Variants in IGSF5 observed in about 807,000 individuals in gnomAD.
IGSF5 encodes the protein immunoglobulin superfamily 5 like.
A neutral mutation model predicts 39.4 loss-of-function variants in IGSF5; 41 were observed. The observed-to-expected ratio is 1.04, with a 90% CI of 0.81 to 1.35. The LOEUF (loss-of-function observed/expected upper bound fraction) is 1.35, where lower values mean the gene tolerates loss of function less well. Ranked by LOEUF, IGSF5 falls within the 40% of genes most tolerant of loss-of-function variation. IGSF5 has a pLI of 0.00. For missense variants in IGSF5, 487 were observed against 494.6 expected (o/e 0.98, Z 0.15); for synonymous variants, 183 against 175.3 (o/e 1.04, Z -0.34).
intron 3 of IGSF5, among the ~76,000 whole-genome samples, chr21:39,769,211 C>G (rs1402375364): frequency 6.6e-6 from 1 of 152,198 alleles, no homozygotes; most frequent in Admixed American, 6.5e-5. Context: ...AATGGTGGCT[C>G]ATGCCTGTAA....
chr21:39,747,312 G>A (rs769046688), intron 2 of IGSF5, among the ~76,000 whole-genome samples: 1 of 152,150 alleles, frequency 6.6e-6, no homozygotes, highest in Non-Finnish European at 1.5e-5. Flanking sequence ...GAACAGTATG[G>A]GGAAACTGCC....
intron 2 of IGSF5, among the ~76,000 whole-genome samples, chr21:39,746,933 G>A (rs2079978298): frequency 6.6e-6 from 1 of 152,196 alleles, no homozygotes; most frequent in Non-Finnish European, 1.5e-5. Context: ...GCTGGTGAGG[G>A]TCTAGGGCTG....
chr21:39,715,630 T>G, the IGSF5 span, among the ~76,000 whole-genome samples: 6 of 152,330 alleles, frequency 3.9e-5, no homozygotes, highest in Admixed American at 3.9e-4. Flanking sequence ...GTGTCCTAGA[T>G]TCTGAGGATA....
chr21:39,753,656 C>T (rs900722063), intron 2 of IGSF5, among the ~76,000 whole-genome samples: 14 of 151,952 alleles, frequency 9.2e-5, no homozygotes, highest in South Asian at 6.3e-4. Context: ...TCTGGGTGCT[C>T]CATTGTTAGG....
the IGSF5 span, among the ~76,000 whole-genome samples, chr21:39,733,278 C>T: frequency 6.6e-6 from 1 of 151,664 alleles, no homozygotes; most frequent in African/African-American, 2.4e-5. Context: ...ATTATGAAGC[C>T]ATTAAAGCAA....
chr21:39,729,112 G>A, the IGSF5 span: 13 of 152,188 alleles, frequency 8.5e-5, no homozygotes, highest in Admixed American at 8.5e-4. Flanking sequence ...AAACAAGATG[G>A]ACGTGTATTT....
chr21:39,784,647 G>T (rs1326367068), intron 5 of IGSF5, among the ~76,000 whole-genome samples: 1 of 146,980 alleles, frequency 6.8e-6, no homozygotes, highest in Non-Finnish European at 1.5e-5. Context: ...TCCAGATAAG[G>T]CTACAAACAG....
the IGSF5 span, among the ~76,000 whole-genome samples, chr21:39,714,085 T>A: frequency 1.3e-5 from 2 of 152,228 alleles, no homozygotes; most frequent in Non-Finnish European, 2.9e-5. Flanking sequence ...GAGCGCGAGC[T>A]GCTCCTACTC....
intron 7 of IGSF5, 67 bp downstream of exon 7, chr21:39,792,166 T>C (rs1447739934): frequency 9.5e-7 from 1 of 1,058,110 alleles, no homozygotes; most frequent in East Asian, 2.5e-5. Flanking sequence ...GCTGGCTTGC[T>C]AGATACCAGC....
At chr21:39,786,999 C>A (rs1300878165) in intron 5 of IGSF5, among the ~76,000 whole-genome samples, 2 of 152,072 alleles carry the variant, frequency 1.3e-5, no homozygotes, top group Non-Finnish European at 2.9e-5. Flanking sequence ...GGGAGATATA[C>A]CTATTGCTAG....
At chr21:39,724,905 TA>T in the IGSF5 span, among the ~76,000 whole-genome samples, 1 of 152,218 alleles carries the variant, frequency 6.6e-6, no homozygotes, top group African/African-American at 2.4e-5. Flanking sequence ...TTACATGCAT[TA>T]ATCTGTTATT....
At chr21:39,759,909 G>A (rs2080053087) in intron 2 of IGSF5, among the ~76,000 whole-genome samples, 1 of 151,696 alleles carries the variant, frequency 6.6e-6, no homozygotes, top group Non-Finnish European at 1.5e-5. Flanking sequence ...GCTGTCTTGA[G>A]GGTATGGAGG....
At chr21:39,783,711 C>A (rs1214927854) in intron 5 of IGSF5, among the ~76,000 whole-genome samples, 1 of 152,142 alleles carries the variant, frequency 6.6e-6, no homozygotes, top group African/African-American at 2.4e-5. Flanking sequence ...TGTGCAGAAG[C>A]TTTTCAGTTT....
At chr21:39,770,838 A>G (rs950139159) in intron 3 of IGSF5, 78 bp from the exon 4 acceptor site, 31 of 1,127,204 alleles carry the variant, frequency 2.8e-5, no homozygotes, top group Non-Finnish European at 3.3e-5. Context: ...CTTAAAAAAA[A>G]AAAGAAAAAA....
intron 3 of IGSF5, among the ~76,000 whole-genome samples, chr21:39,766,816 ATATAT>A (rs34246252): frequency 0.028 from 4,302 of 152,254 alleles, 219 homozygotes; most frequent in African/African-American, 0.098. Flanking sequence ...TTATAAGAGA[ATATAT>A]TATATCTTAT....
In IGSF5 at chr21:39,801,618, A is replaced by G; in HGVS notation, c.*261A>G. On this transcript the variant is annotated 3_prime_UTR_variant, in exon 9 of 9. Transcript: ENST00000380588. ...ACTAAGTAAAAGCTGCAAATTCATCATAATTTTTCTCAACATTCAACACTC... is the reference window on the plus strand; with the variant it reads ...ACTAAGTAAAAGCTGCAAATTCATCGTAATTTTTCTCAACATTCAACACTC... The G allele has an allele frequency of 2.9e-6, 1 of 344,560 alleles. No homozygotes were observed. The highest frequency in any genetic ancestry group is 5.3e-6 in the Non-Finnish European group (1 of 188,638). The allele number at this position is 344,560 out of a possible 1,614,324, so 21.3% of individuals were successfully genotyped here. A position where few individuals can be genotyped will look rare whatever the true frequency, so the allele number is the denominator to read the frequency against.
intron 3 of IGSF5, among the ~76,000 whole-genome samples, chr21:39,770,239 C>CTTT (rs1342450007): frequency 1.3e-5 from 2 of 151,570 alleles, no homozygotes; most frequent in South Asian, 4.2e-4. Context: ...GGGTTGTTTG[C>CTTT]AGTATGAATG....
chr21:39,726,656 G>A, the IGSF5 span, among the ~76,000 whole-genome samples: 1 of 152,188 alleles, frequency 6.6e-6, no homozygotes, highest in East Asian at 1.9e-4. Context: ...CTTGATAGCA[G>A]GTTGATTACA....
At chr21:39,785,990 A>C (rs1440902108) in intron 5 of IGSF5, among the ~76,000 whole-genome samples, 4 of 152,316 alleles carry the variant, frequency 2.6e-5, no homozygotes, top group Admixed American at 2.0e-4. Context: ...GTTAGACCTA[A>C]AACCATAAAA....
Sources: allele counts gnomAD v4.1 joint callset (sites outside exome capture counted in the v4.1 genomes callset), GRCh38; gene constraint gnomAD v4.1.1; transcripts MANE v1.5; gene names NCBI Gene and HGNC (gene_info 2026-07-23, HGNC 2026-07-21).